CNTN4: variants seen among roughly 807,000 people sequenced by gnomAD.
CNTN4 encodes contactin 4, also known as contactin-4.
Under a neutral mutation model 122.5 loss-of-function variants are expected in CNTN4, and 77 were observed. The ratio of observed to expected loss-of-function variants is 0.63; its 90% confidence interval spans 0.52 to 0.76. The LOEUF is 0.76. Ranked by LOEUF, CNTN4 falls within the 30% of genes least tolerant of loss-of-function variation. CNTN4 has a pLI of 0.00. For synonymous variants in CNTN4, 512 were observed against 447.0 expected, an observed-to-expected ratio of 1.15 and a Z score of -1.83; for missense variants, 1,256 against 1,259.1, an observed-to-expected ratio of 1.00 and a Z score of 0.04.
At chr3:2,982,613 CA>C (rs1217577904) in intron 13 of CNTN4, among the ~76,000 whole-genome samples, 1 of 152,150 alleles carries the variant, frequency 6.6e-6, no homozygotes, top group Non-Finnish European at 1.5e-5. Context: ...GCAATCCCAG[CA>C]GAAAGAGATT....
At chr3:2,719,875 A>G (rs1014772297) in intron 4 of CNTN4, among the ~76,000 whole-genome samples, 2 of 152,194 alleles carry the variant, frequency 1.3e-5, no homozygotes, top group African/African-American at 4.8e-5. Context: ...AGTAATCAGG[A>G]TATGTAGTGT....
At chr3:2,864,799 T>G (rs901587524) in intron 7 of CNTN4, among the ~76,000 whole-genome samples, 13 of 151,152 alleles carry the variant, frequency 8.6e-5, no homozygotes, top group Non-Finnish European at 1.6e-4. Context: ...AAATGTGAGT[T>G]GATTAGTATT....
chr3:2,464,109 G>A (rs992573349), intron 3 of CNTN4, among the ~76,000 whole-genome samples: 4 of 152,144 alleles, frequency 2.6e-5, no homozygotes, highest in South Asian at 2.1e-4. Flanking sequence ...TATTGTTTGT[G>A]TATATGGAAT....
rs561294181 is a variant in CNTN4, at chr3:2,191,298, C to T, written c.-145+90659C>T. Among the ~76,000 whole-genome samples the T allele has an allele frequency of 1.4e-4, 21 of 151,720 alleles. No homozygotes were observed. In the South Asian group the frequency reaches 4.4e-3, roughly 32 times the overall value. ...TAACCCAGACATAGAACTCAACTAC[C>T]AGATTATTCTCAAGTTTACCCAAAA... On this transcript the variant is annotated intron_variant, in intron 2 of 24. Coordinates refer to ENST00000418658, the MANE Select transcript of CNTN4 (RefSeq NM_175607.3).
intron 4 of CNTN4, among the ~76,000 whole-genome samples, chr3:2,589,868 A>T (rs564909010): frequency 1.3e-5 from 2 of 152,190 alleles, no homozygotes; most frequent in Admixed American, 1.3e-4. Flanking sequence ...GGCTTCCCTC[A>T]GCAGATGATC....
At chr3:2,144,946 A>G (rs1211014690) in intron 2 of CNTN4, among the ~76,000 whole-genome samples, 1 of 152,152 alleles carries the variant, frequency 6.6e-6, no homozygotes, top group Admixed American at 6.5e-5. Context: ...TTACCACAAT[A>G]AGGGTTTTGT....
intron 4 of CNTN4, among the ~76,000 whole-genome samples, chr3:2,622,112 T>A (rs2082012683): frequency 6.6e-6 from 1 of 152,206 alleles, no homozygotes; most frequent in Non-Finnish European, 1.5e-5. Flanking sequence ...CAGTCTACCC[T>A]TGCTCTGCAT....
intron 2 of CNTN4, among the ~76,000 whole-genome samples, chr3:2,121,399 G>A (rs1421117762): frequency 6.6e-6 from 1 of 151,800 alleles, no homozygotes; most frequent in African/African-American, 2.4e-5. Flanking sequence ...TCAGGAGGCC[G>A]AGGCAGGAGA....
intron 3 of CNTN4, among the ~76,000 whole-genome samples, chr3:2,485,293 G>A (rs1451397291): frequency 5.3e-5 from 8 of 152,246 alleles, no homozygotes; most frequent in Non-Finnish European, 7.3e-5. Flanking sequence ...TGAGGAGGGC[G>A]GGCACGCGGT....
chr3:2,175,997 C>A (rs73806376), intron 2 of CNTN4, among the ~76,000 whole-genome samples: 1 of 152,226 alleles, frequency 6.6e-6, no homozygotes, highest in African/African-American at 2.4e-5. Context: ...ATGGTTTATT[C>A]CATGTATGTG....
intron 4 of CNTN4, among the ~76,000 whole-genome samples, chr3:2,716,159 C>G (rs2087482994): frequency 1.3e-5 from 2 of 151,986 alleles, no homozygotes; most frequent in South Asian, 2.1e-4. Flanking sequence ...GAGATAGGGT[C>G]TCACCATGTT....
chr3:2,922,213 T>C (rs2094436038), intron 12 of CNTN4, among the ~76,000 whole-genome samples: 1 of 152,242 alleles, frequency 6.6e-6, no homozygotes, highest in Admixed American at 6.5e-5. Context: ...CACTAATTTT[T>C]TAAGTGCCAG....
intron 7 of CNTN4, among the ~76,000 whole-genome samples, chr3:2,855,263 A>C (rs1447574939): frequency 6.6e-6 from 1 of 152,172 alleles, no homozygotes; most frequent in African/African-American, 2.4e-5. Context: ...TTTCAGTTGC[A>C]GTGGCTCCTG....
chr3:2,835,183 G>A (rs565215297), intron 7 of CNTN4, among the ~76,000 whole-genome samples: 8 of 152,058 alleles, frequency 5.3e-5, no homozygotes, highest in Middle Eastern at 3.4e-3. Flanking sequence ...GGGATTACAG[G>A]CATGAGCCAC....
chr3:2,234,014 T>G (rs2039586765), intron 2 of CNTN4, among the ~76,000 whole-genome samples: 1 of 152,150 alleles, frequency 6.6e-6, no homozygotes. Flanking sequence ...AATTCCTTTC[T>G]CTGTTAGGTA....
chr3:2,916,469 T>C (rs1401548156), intron 12 of CNTN4, among the ~76,000 whole-genome samples: 2 of 149,594 alleles, frequency 1.3e-5, no homozygotes, highest in Non-Finnish European at 3.0e-5. Context: ...CCTTAATCCA[T>C]TTAACCCTGA....
At chr3:2,932,087 A>T (rs990789584) in intron 13 of CNTN4, among the ~76,000 whole-genome samples, 5 of 152,070 alleles carry the variant, frequency 3.3e-5, no homozygotes, top group Non-Finnish European at 7.4e-5. Flanking sequence ...CTTAAACAGT[A>T]CAAATTTAGG....
chr3:2,298,576 C>T (rs554523065), intron 2 of CNTN4, among the ~76,000 whole-genome samples: 1 of 152,270 alleles, frequency 6.6e-6, no homozygotes, highest in African/African-American at 2.4e-5. Context: ...TTCTCTCATA[C>T]AATTTAATAG....
chr3:2,529,571 A>G (rs2077521371), intron 3 of CNTN4, among the ~76,000 whole-genome samples: 1 of 152,202 alleles, frequency 6.6e-6, no homozygotes, highest in Non-Finnish European at 1.5e-5. Context: ...TACTTACTAT[A>G]TACAAACAAC....
Sources: gnomAD v4.1 joint callset for allele counts (sites outside exome capture counted in the v4.1 genomes callset) on GRCh38, gnomAD v4.1.1 for gene constraint, MANE v1.5 for transcripts, NCBI Gene and HGNC (gene_info 2026-07-23, HGNC 2026-07-21) for gene names.